Variants in PDGFD observed in about 807,000 individuals in gnomAD.
PDGFD encodes platelet derived growth factor D.
PDGFD carries 30 observed loss-of-function variants against 44.7 expected under a neutral mutation model. The observed-to-expected ratio is 0.67, with a 90% CI of 0.50 to 0.91. The LOEUF (loss-of-function observed/expected upper bound fraction) is 0.91, where lower values mean the gene tolerates loss of function less well. PDGFD is among the 40% of genes least tolerant of loss of function. The pLI is 0.00. For synonymous variants in PDGFD, 173 were observed against 168.4 expected (o/e 1.03, Z -0.21); for missense variants, 445 against 457.8 (o/e 0.97, Z 0.25).
chr11:103,960,229 G>A (rs773498299), intron 3 of PDGFD, among the ~76,000 whole-genome samples: 18 of 152,180 alleles, frequency 1.2e-4, no homozygotes, highest in Non-Finnish European at 2.4e-4. Flanking sequence ...GCATTCCAGA[G>A]TGAAAGGAAA....
At chr11:104,038,036 A>C in intron 1 of PDGFD, 2 of 1,585,484 alleles carry the variant, frequency 1.3e-6, no homozygotes, top group Non-Finnish European at 1.7e-6. Context: ...ATATGTTACC[A>C]CCTTGAGGGA....
chr11:103,952,385 A>G (rs1858772172), intron 3 of PDGFD, among the ~76,000 whole-genome samples: 1 of 152,228 alleles, frequency 6.6e-6, no homozygotes, highest in Admixed American at 6.5e-5. Flanking sequence ...ACTAGCTCCT[A>G]GAGGCTGGTA....
At chr11:104,008,492 C>A (rs1242652598) in intron 1 of PDGFD, among the ~76,000 whole-genome samples, 1 of 152,088 alleles carries the variant, frequency 6.6e-6, no homozygotes, top group Non-Finnish European at 1.5e-5. Flanking sequence ...TTCTTTTCAA[C>A]TAGAAAAGTG....
chr11:104,154,980 T>C (rs1015126164), intron 1 of PDGFD, among the ~76,000 whole-genome samples: 4 of 152,206 alleles, frequency 2.6e-5, no homozygotes, highest in African/African-American at 9.7e-5. Context: ...ATATGCAAGT[T>C]TGATAGATGT....
At chr11:104,049,917 G>C (rs1860502771) in intron 1 of PDGFD, among the ~76,000 whole-genome samples, 1 of 152,072 alleles carries the variant, frequency 6.6e-6, no homozygotes, top group Non-Finnish European at 1.5e-5. Context: ...GATTGGAGGA[G>C]GTGGGAGAGC....
chr11:103,909,866 C>A (rs370416440), intron 6 of PDGFD, 47 bp from the exon 7 acceptor site: 13 of 1,611,866 alleles, frequency 8.1e-6, no homozygotes, highest in Non-Finnish European at 1.0e-5. Context: ...TGGAGTTCAA[C>A]TCAGTCAGAT....
Position 103,967,263 on chromosome 11 carries a change from C to A in PDGFD, c.511-19539G>T, listed in dbSNP as rs2134341457. On this transcript the variant is annotated intron_variant, in intron 3 of 6. Transcript: ENST00000393158. ...TCCTGAAGTCCTGGTCATTTCCCCACATTCACTAAGGACCATGTCAACTGG... is the reference window on the plus strand; with the variant it reads ...TCCTGAAGTCCTGGTCATTTCCCCAAATTCACTAAGGACCATGTCAACTGG... Among the ~76,000 whole-genome samples the A allele has an allele frequency of 1.3e-5, 2 of 152,298 alleles. 1 individual carries two copies. Among genetic ancestry groups the A allele is most frequent in the South Asian group, 4.1e-4 (2 of 4,822 alleles).
At chr11:104,115,280 T>C (rs1198910679) in intron 1 of PDGFD, among the ~76,000 whole-genome samples, 1 of 148,320 alleles carries the variant, frequency 6.7e-6, no homozygotes, top group Non-Finnish European at 1.5e-5. Context: ...TATGTATGTA[T>C]ATACATATAT....
intron 6 of PDGFD, among the ~76,000 whole-genome samples, chr11:103,918,341 C>T (rs1326849626): frequency 1.3e-5 from 2 of 152,172 alleles, no homozygotes; most frequent in African/African-American, 4.8e-5. Context: ...TTTTCCAAGA[C>T]TATCTGGCCT....
Position 104,032,701 on chromosome 11 carries a change from T to C in PDGFD, c.125-32446A>G, listed in dbSNP as rs545422956. Among the ~76,000 whole-genome samples, 8 of 151,884 alleles carry C rather than the reference T, an allele frequency of 5.3e-5. No homozygotes were observed. In the East Asian group the frequency reaches 1.5e-3, roughly 29 times the overall value. ...AGAAAGAGGCAAATTACAAAAGGTATTGTGGATTTATTAAAAAAATAACTT... is the reference window on the plus strand; with the variant it reads ...AGAAAGAGGCAAATTACAAAAGGTACTGTGGATTTATTAAAAAAATAACTT... On this transcript the variant is annotated intron_variant, in intron 1 of 6. Transcript: ENST00000393158.
intron 1 of PDGFD, among the ~76,000 whole-genome samples, chr11:104,014,168 T>C (rs1047341968): frequency 1.3e-5 from 2 of 152,230 alleles, no homozygotes; most frequent in Admixed American, 1.3e-4. Flanking sequence ...TAATATTCTA[T>C]GTCTGTTTCT....
chr11:104,005,906 A>C (rs1460344756), intron 1 of PDGFD, among the ~76,000 whole-genome samples: 4 of 152,212 alleles, frequency 2.6e-5, no homozygotes, highest in Admixed American at 2.0e-4. Flanking sequence ...TATAACAATG[A>C]CATAGTTTTA....
At chr11:104,108,632 A>C (rs1455200687) in intron 1 of PDGFD, among the ~76,000 whole-genome samples, 1 of 152,228 alleles carries the variant, frequency 6.6e-6, no homozygotes, top group Non-Finnish European at 1.5e-5. Context: ...CCACTGTAGA[A>C]GACAGTGTGG....
intron 4 of PDGFD, among the ~76,000 whole-genome samples, chr11:103,944,701 A>G (rs1434319026): frequency 6.6e-6 from 1 of 152,184 alleles, no homozygotes; most frequent in Non-Finnish European, 1.5e-5. Flanking sequence ...CCCACAATTT[A>G]TAACCTTACT....
chr11:104,138,965 T>C (rs1347017107), intron 1 of PDGFD, among the ~76,000 whole-genome samples: 5 of 152,162 alleles, frequency 3.3e-5, no homozygotes, highest in East Asian at 1.9e-4. Context: ...TTTGGTCATG[T>C]TGGCCAAGCT....
At chr11:104,145,782 G>A (rs1370395076) in intron 1 of PDGFD, among the ~76,000 whole-genome samples, 2 of 152,042 alleles carry the variant, frequency 1.3e-5, no homozygotes, top group African/African-American at 4.8e-5. Context: ...TTAGAAATAG[G>A]GCCTTCAGAG....
At chr11:103,993,148 G>A (rs1233000800) in intron 3 of PDGFD, among the ~76,000 whole-genome samples, 1 of 152,078 alleles carries the variant, frequency 6.6e-6, no homozygotes, top group Admixed American at 6.6e-5. Context: ...GCTCACTGCA[G>A]CCTTGACCTT....
In PDGFD at chr11:104,075,841, A is replaced by G. The variant is rs1055914299; in HGVS notation, c.125-75586T>C. 3.3e-5 allele frequency among the ~76,000 whole-genome samples: 5 copies of G among 152,142 alleles called. No homozygotes were observed. In the East Asian group the frequency reaches 9.6e-4, roughly 29 times the overall value. ...TTCCCCAGGCCTTATCTGTCTTTAT[A>G]TAAGTAGCGCTGAACACCGGAATTA... On this transcript the variant is annotated intron_variant, in intron 1 of 6. Transcript: ENST00000393158.
At chr11:103,967,290 T>C (rs1054965218) in intron 3 of PDGFD, among the ~76,000 whole-genome samples, 3 of 152,126 alleles carry the variant, frequency 2.0e-5, no homozygotes, top group African/African-American at 7.2e-5. Context: ...GTCAACTGGG[T>C]TCCTATATTT....
Sources: allele counts gnomAD v4.1 joint callset (sites outside exome capture counted in the v4.1 genomes callset), GRCh38; gene constraint gnomAD v4.1.1; transcripts MANE v1.5; gene names NCBI Gene and HGNC (gene_info 2026-07-23, HGNC 2026-07-21).